The following NEAT1 variants were observed in gnomAD, a reference collection of about 807,000 sequenced individuals.
NEAT1 encodes MENepsilon/beta.
chr11:65,438,928 T>C (rs1465320858), exon 1 of NEAT1: 1 of 152,216 alleles, frequency 6.6e-6, no homozygotes, highest in South Asian at 2.1e-4. Flanking sequence ...TACTGGGTCA[T>C]ATGGTAACTG....
exon 1 of NEAT1, chr11:65,429,425 A>G (rs985927362): frequency 1.3e-5 from 2 of 151,992 alleles, no homozygotes; most frequent in Non-Finnish European, 2.9e-5. Flanking sequence ...GGATGTGAGC[A>G]TTGCTTTGTC....
exon 1 of NEAT1, chr11:65,425,474 A>T (rs572057137): frequency 6.6e-6 from 1 of 152,318 alleles, no homozygotes; most frequent in Admixed American, 6.5e-5. Context: ...CATACGCAGC[A>T]GATCAGCATC....
exon 1 of NEAT1, chr11:65,440,134 T>C (rs565641495): frequency 4.1e-4 from 62 of 152,104 alleles, no homozygotes; most frequent in African/African-American, 1.5e-3. Flanking sequence ...TAATAGGTAC[T>C]GGATTTATGC....
chr11:65,444,873 C>T (rs1180832521), exon 1 of NEAT1: 3 of 219,240 alleles, frequency 1.4e-5, no homozygotes, highest in South Asian at 5.4e-5. Flanking sequence ...GAATGGAAGG[C>T]GAGGCAGGCG....
chr11:65,438,760 A>G (rs1017322547), exon 1 of NEAT1: 1 of 152,180 alleles, frequency 6.6e-6, no homozygotes, highest in Non-Finnish European at 1.5e-5. Context: ...ATTCCACTGT[A>G]TGGATAGACC....
exon 1 of NEAT1, chr11:65,438,410 A>G (rs1856684652): frequency 6.6e-6 from 1 of 152,130 alleles, no homozygotes; most frequent in African/African-American, 2.4e-5. Context: ...ATGCTTTTGA[A>G]ATGTTCTATT....
chr11:65,444,658 C>A (rs564490079), exon 1 of NEAT1: 1 of 380,932 alleles, frequency 2.6e-6, no homozygotes, highest in South Asian at 1.9e-5. Context: ...GACCGTGGAT[C>A]CTGAGGGTGG....
exon 1 of NEAT1, chr11:65,444,256 C>T (rs1400982534): frequency 6.0e-6 from 2 of 332,882 alleles, no homozygotes; most frequent in Non-Finnish European, 1.2e-5. Flanking sequence ...ACCTGGTAGT[C>T]CTCAGACTGT....
At chr11:65,425,590 G>A (rs1856553223) in exon 1 of NEAT1, 1 of 152,052 alleles carries the variant, frequency 6.6e-6, no homozygotes, top group Non-Finnish European at 1.5e-5. Context: ...CTATATTGTG[G>A]GCTTTTAACG....
chr11:65,441,770 T>C (rs1382901816), exon 1 of NEAT1: 1 of 152,250 alleles, frequency 6.6e-6, no homozygotes, highest in Non-Finnish European at 1.5e-5. Flanking sequence ...CATTAATCTT[T>C]TCCTCCGGCA....
exon 1 of NEAT1, chr11:65,423,488 T>A (rs1856522695): frequency 6.6e-6 from 1 of 151,386 alleles, no homozygotes; most frequent in African/African-American, 2.4e-5. Context: ...AGGTGAGGGG[T>A]GGTCTGAGGA....
chr11:65,435,967 T>A (rs1389967979), exon 1 of NEAT1: 1 of 152,246 alleles, frequency 6.6e-6, no homozygotes, highest in Non-Finnish European at 1.5e-5. Context: ...CTTGTCTGTT[T>A]AGTTTGTTGA....
At chr11:65,432,438 T>C (rs1203745866) in exon 1 of NEAT1, 2 of 152,180 alleles carry the variant, frequency 1.3e-5, no homozygotes, top group African/African-American at 4.8e-5. Flanking sequence ...GATAAGTCTT[T>C]GATAAGTCTA....
At chr11:65,431,449 C>T (rs1308452106) in exon 1 of NEAT1, 7 of 152,056 alleles carry the variant, frequency 4.6e-5, no homozygotes, top group East Asian at 1.9e-4. Context: ...CTAAATCTTA[C>T]GATATTTCTA....
At chr11:65,439,784 G>A (rs565285854) in exon 1 of NEAT1, 1 of 152,222 alleles carries the variant, frequency 6.6e-6, no homozygotes, top group East Asian at 1.9e-4. Context: ...TGGGGGGGGT[G>A]TCCCCTATCA....
chr11:65,435,972 T>C (rs1163303866), exon 1 of NEAT1: 1 of 152,248 alleles, frequency 6.6e-6, no homozygotes. Flanking sequence ...CTGTTTAGTT[T>C]GTTGAAATCT....
At chr11:65,432,293 T>G (rs1856620074) in exon 1 of NEAT1, 1 of 152,230 alleles carries the variant, frequency 6.6e-6, no homozygotes. Flanking sequence ...TATTGACCTT[T>G]ATAATGATCA....
exon 1 of NEAT1, chr11:65,429,754 T>C (rs1856598075): frequency 1.7e-5 from 2 of 117,820 alleles, no homozygotes; most frequent in South Asian, 2.6e-4. Context: ...CAAGAGTACA[T>C]AAATATTAAT....
chr11:65,440,360 CTGAGG>C (rs568059117), exon 1 of NEAT1: 54 of 151,510 alleles, frequency 3.6e-4, no homozygotes, highest in African/African-American at 1.3e-3. Context: ...GTCCTAGTTG[CTGAGG>C]TAAGAGGATT....
Sources: allele counts gnomAD v4.1 joint callset, GRCh38; gene constraint gnomAD v4.1.1; transcripts MANE v1.5; gene names NCBI Gene and HGNC (gene_info 2026-07-23, HGNC 2026-07-21).